GNA14: variants seen among roughly 807,000 people sequenced by gnomAD.
GNA14 encodes the protein G protein subunit alpha 14.
GNA14 carries 50 observed loss-of-function variants against 42.0 expected under a neutral mutation model. That is an observed-to-expected ratio of 1.19 (90% CI 0.95 to 1.51). GNA14 has a LOEUF of 1.51. GNA14 is among the 40% of genes most tolerant of loss of function. The pLI, the probability that GNA14 is intolerant of heterozygous loss-of-function variation, is 0.00. For missense variants in GNA14, 473 were observed against 446.2 expected, an observed-to-expected ratio of 1.06 and a Z score of -0.54; for synonymous variants, 173 against 163.1, an observed-to-expected ratio of 1.06 and a Z score of -0.46.
intron 2 of GNA14, among the ~76,000 whole-genome samples, chr9:77,516,448 C>T (rs898630847): frequency 5.3e-5 from 8 of 152,050 alleles, no homozygotes; most frequent in African/African-American, 1.4e-4. Context: ...ACAGGTCAGC[C>T]GGGCATGGTG....
At chr9:77,527,701 T>C (rs1357275335) in intron 2 of GNA14, among the ~76,000 whole-genome samples, 1 of 152,200 alleles carries the variant, frequency 6.6e-6, no homozygotes, top group African/African-American at 2.4e-5. Context: ...TGGTACAATC[T>C]TGGCTTACTG....
At chr9:77,503,636 T>G (rs1272796190) in intron 2 of GNA14, among the ~76,000 whole-genome samples, 2 of 150,072 alleles carry the variant, frequency 1.3e-5, no homozygotes, top group Non-Finnish European at 2.9e-5. Context: ...ACAAAGAAAT[T>G]TACATCAAAT....
chr9:77,539,888 G>T (rs1479973529), intron 1 of GNA14, among the ~76,000 whole-genome samples: 1 of 151,904 alleles, frequency 6.6e-6, no homozygotes, highest in East Asian at 1.9e-4. Flanking sequence ...CTCTCTTCTT[G>T]GTTAGTCTAG....
chr9:77,607,510 T>TG (rs1348004456), intron 1 of GNA14, among the ~76,000 whole-genome samples: 1 of 152,188 alleles, frequency 6.6e-6, no homozygotes. Context: ...AACCTTCATC[T>TG]GCATCTCACA....
chr9:77,508,254 A>G (rs1837102432), intron 2 of GNA14, among the ~76,000 whole-genome samples: 2 of 152,222 alleles, frequency 1.3e-5, no homozygotes, highest in African/African-American at 4.8e-5. Flanking sequence ...GGAAAAAGTA[A>G]ATTTTGTTCC....
intron 1 of GNA14, among the ~76,000 whole-genome samples, chr9:77,625,019 T>C (rs927970822): frequency 3.3e-5 from 5 of 151,632 alleles, no homozygotes; most frequent in Non-Finnish European, 7.4e-5. Flanking sequence ...AAAAAGGCTA[T>C]ACGAATTGCT....
chr9:77,551,068 T>G (rs963325376), intron 1 of GNA14, among the ~76,000 whole-genome samples: 1 of 152,212 alleles, frequency 6.6e-6, no homozygotes, highest in Non-Finnish European at 1.5e-5. Flanking sequence ...ATTGCTGAAT[T>G]GTTTTCCATC....
chr9:77,507,902 T>C (rs1158968482), intron 2 of GNA14, among the ~76,000 whole-genome samples: 1 of 152,132 alleles, frequency 6.6e-6, no homozygotes, highest in Non-Finnish European at 1.5e-5. Context: ...ATATTTTCAG[T>C]AGAGAAAGTG....
At chr9:77,521,576 A>G (rs931585268) in intron 2 of GNA14, among the ~76,000 whole-genome samples, 1 of 152,140 alleles carries the variant, frequency 6.6e-6, no homozygotes, top group Non-Finnish European at 1.5e-5. Context: ...CTGAGAATGG[A>G]AAGTGGAGCT....
In GNA14 at chr9:77,435,089, T is replaced by A. The variant is rs1587758613; in HGVS notation, c.310-567A>T. Among the ~76,000 whole-genome samples the A allele has an allele frequency of 3.4e-5, 5 of 146,934 alleles. 1 individual carries two copies. In the South Asian group the frequency reaches 1.1e-3, roughly 32 times the overall value. On this transcript the variant is annotated intron_variant, in intron 2 of 6. Coordinates refer to ENST00000341700, the MANE Select transcript of GNA14 (RefSeq NM_004297.4). Reference sequence around the variant, plus strand: ...AAAAAAAAACACTGGCCAGCTGCGGTGGTTCATGCCTGTAATCCCAGCACT... The same window carrying A: ...AAAAAAAAACACTGGCCAGCTGCGGAGGTTCATGCCTGTAATCCCAGCACT...
intron 1 of GNA14, among the ~76,000 whole-genome samples, chr9:77,577,430 C>T (rs906984599): frequency 2.0e-5 from 3 of 152,132 alleles, no homozygotes; most frequent in South Asian, 2.1e-4. Flanking sequence ...CCATCTATAT[C>T]GATATTTAAC....
chr9:77,492,475 G>A (rs1009409889), intron 2 of GNA14, among the ~76,000 whole-genome samples: 9 of 151,890 alleles, frequency 5.9e-5, no homozygotes, highest in African/African-American at 9.7e-5. Flanking sequence ...AAACAAAAAA[G>A]GAGACGTAAC....
chr9:77,462,840 G>A lies in GNA14; in HGVS notation c.310-28318C>T, dbSNP rs533919481. The stretch of plus-strand genomic sequence containing the variant: ...TGCCTCACCTTTTCGGGTTCAGGGA[G>A]AACTGGCAGCTTTAAACTTCTCCCC... On this transcript the variant is annotated intron_variant, in intron 2 of 6. Coordinates refer to ENST00000341700, the MANE Select transcript of GNA14 (RefSeq NM_004297.4). Among the ~76,000 whole-genome samples the A allele has an allele frequency of 1.9e-4, 29 of 152,248 alleles. No homozygotes were observed. In the East Asian group the frequency reaches 5.2e-3, roughly 27 times the overall value.
chr9:77,527,204 T>C (rs1039243647), intron 2 of GNA14, among the ~76,000 whole-genome samples: 3 of 152,154 alleles, frequency 2.0e-5, no homozygotes, highest in Admixed American at 2.0e-4. Flanking sequence ...ACTGAAGTCA[T>C]CTTAAATCTC....
chr9:77,641,903 C>T (rs1441044324), intron 1 of GNA14, among the ~76,000 whole-genome samples: 1 of 152,132 alleles, frequency 6.6e-6, no homozygotes, highest in African/African-American at 2.4e-5. Context: ...GAAAAAAAGG[C>T]CACAATACAT....
intron 2 of GNA14, among the ~76,000 whole-genome samples, chr9:77,486,213 C>A (rs1836657622): frequency 6.6e-6 from 1 of 152,220 alleles, no homozygotes; most frequent in South Asian, 2.1e-4. Context: ...TGCTGTTTCA[C>A]CTTGCACTGT....
At chr9:77,438,999 A>G (rs540563139) in intron 2 of GNA14, among the ~76,000 whole-genome samples, 1 of 152,342 alleles carries the variant, frequency 6.6e-6, no homozygotes, top group Admixed American at 6.5e-5. Context: ...AATGTCCTTT[A>G]TCTGGTCTGG....
chr9:77,464,345 GTGTA>G (rs1230226108), intron 2 of GNA14, among the ~76,000 whole-genome samples: 2 of 120,678 alleles, frequency 1.7e-5, no homozygotes, highest in African/African-American at 7.3e-5. Context: ...GTGTGTGTGT[GTGTA>G]TATGTGTGTG....
In GNA14 at chr9:77,493,426, T is replaced by A. The variant is rs1436289692; in HGVS notation, c.309+35643A>T. Among the ~76,000 whole-genome samples, 3 of 152,338 alleles carry A rather than the reference T, an allele frequency of 2.0e-5. No homozygotes were observed. In the East Asian group the frequency reaches 5.8e-4, roughly 29 times the overall value. ...TTGTCTGTACTGTGTACTCTGATCA[T>A]AAAGTACCAACAGTGATTTGCTTTT... On this transcript the variant is annotated intron_variant, in intron 2 of 6. Transcript: ENST00000341700.
Sources: gnomAD v4.1 joint callset for allele counts (sites outside exome capture counted in the v4.1 genomes callset) on GRCh38, gnomAD v4.1.1 for gene constraint, MANE v1.5 for transcripts, NCBI Gene and HGNC (gene_info 2026-07-23, HGNC 2026-07-21) for gene names.